The following ACOX1 variants were observed in gnomAD, a reference collection of about 807,000 sequenced individuals.
The protein encoded by ACOX1 is acyl-CoA oxidase 1.
ACOX1 carries 41 observed loss-of-function variants against 75.5 expected under a neutral mutation model. That is an observed-to-expected ratio of 0.54 (90% CI 0.42 to 0.70). The LOEUF (loss-of-function observed/expected upper bound fraction) is 0.70. Among genes scored for constraint, ACOX1 ranks in the 30% least tolerant of loss-of-function variants. The pLI, the probability that ACOX1 is intolerant of heterozygous loss-of-function variation, is 0.00. For missense variants in ACOX1, 630 were observed against 837.5 expected (o/e 0.75, Z 3.06); for synonymous variants, 303 against 298.8 (o/e 1.01, Z -0.15).
chr17:75,967,051 T>C (rs1248784752), intron 2 of ACOX1, among the ~76,000 whole-genome samples: 1 of 150,808 alleles, frequency 6.6e-6, no homozygotes, highest in Non-Finnish European at 1.5e-5. Context: ...AGTGAGACTC[T>C]TGTCTCTCAA....
At chr17:75,966,285 C>T (rs2065931658) in intron 2 of ACOX1, among the ~76,000 whole-genome samples, 2 of 149,752 alleles carry the variant, frequency 1.3e-5, no homozygotes, top group South Asian at 2.1e-4. Context: ...GGTGAAACTC[C>T]GTTTCTACTA....
intron 2 of ACOX1, among the ~76,000 whole-genome samples, chr17:75,966,120 A>G (rs1406948656): frequency 6.6e-6 from 1 of 151,332 alleles, no homozygotes; most frequent in African/African-American, 2.4e-5. Context: ...ACAGAGCAAG[A>G]CTCCATCTCG....
At chr17:75,962,118 T>A (rs1191656906) in intron 2 of ACOX1, among the ~76,000 whole-genome samples, 2 of 152,092 alleles carry the variant, frequency 1.3e-5, no homozygotes, top group Non-Finnish European at 2.9e-5. Context: ...TCATGTCAAA[T>A]ATTCGGCCAC....
rs1337557419 is a variant in ACOX1, at chr17:75,979,113, G to A, written c.-40C>T. ...GGCAGCGAAGTAAGCACCGACCGAG[G>A]TGGCAGTGACAATCTAAATCCGCAG... On this transcript the variant is annotated 5_prime_UTR_variant, in exon 1 of 14. Coordinates refer to ENST00000293217, the MANE Select transcript of ACOX1 (RefSeq NM_004035.7). 1.2e-6 allele frequency: 2 copies of A among 1,606,022 alleles called. No homozygotes were observed. The highest frequency in any genetic ancestry group is 1.7e-6 in the Non-Finnish European group (2 of 1,179,766).
chr17:75,967,889 G>A (rs2065953876), intron 2 of ACOX1, among the ~76,000 whole-genome samples: 1 of 150,044 alleles, frequency 6.7e-6, no homozygotes, highest in Non-Finnish European at 1.5e-5. Context: ...TACAGGTGCC[G>A]CCACCACTCC....
Position 75,967,681 on chromosome 17 carries a change from C to T in ACOX1, c.270-7306G>A, listed in dbSNP as rs932318769. ...ACATACATATATATACATATATATA[C>T]GTATATATATACATACATATATATA... On this transcript the variant is annotated intron_variant, in intron 2 of 13. Transcript: ENST00000293217. Among the ~76,000 whole-genome samples, 29 of 101,030 alleles carry T rather than the reference C, an allele frequency of 2.9e-4. 1 individual carries two copies. Among genetic ancestry groups the T allele is most frequent in the East Asian group, 1.9e-3 (7 of 3,752 alleles). The allele number at this position is 101,030 out of a possible 152,430, so 66.3% of individuals were successfully genotyped here. A position where few individuals can be genotyped will look rare whatever the true frequency, so the allele number is the denominator to read the frequency against.
intron 2 of ACOX1, among the ~76,000 whole-genome samples, chr17:75,965,369 T>C (rs368990787): frequency 7.5e-6 from 1 of 132,544 alleles, no homozygotes; most frequent in African/African-American, 2.8e-5. Flanking sequence ...AGAAAAAAGA[T>C]AAATACCTAA....
chr17:75,951,986 G>A (rs1402158011), intron 7 of ACOX1, among the ~76,000 whole-genome samples: 1 of 151,874 alleles, frequency 6.6e-6, no homozygotes, highest in East Asian at 1.9e-4. Context: ...AGGCTATTTG[G>A]CTCCCTAAGA....
rs2065672608 is a variant in ACOX1, at chr17:75,941,780, C to A, written c.*4968G>T. On this transcript the variant is annotated 3_prime_UTR_variant, in exon 14 of 14. Transcript: ENST00000293217. ...CAACAGCAAAGGGGGAAAAAGGTAGCAAAGTAATTATGTGCTCCCAAGGCA... is the reference window on the plus strand; with the variant it reads ...CAACAGCAAAGGGGGAAAAAGGTAGAAAAGTAATTATGTGCTCCCAAGGCA... 6.6e-6 allele frequency: 1 copy of A among 152,126 alleles called. No individual in the cohort carries two copies. Among genetic ancestry groups the A allele is most frequent in the Non-Finnish European group, 1.5e-5 (1 of 68,058 alleles). The allele number at this position is 152,126 out of a possible 1,614,324, so 9.4% of individuals were successfully genotyped here.
intron 2 of ACOX1, among the ~76,000 whole-genome samples, chr17:75,964,001 T>C (rs996603305): frequency 6.6e-6 from 1 of 151,226 alleles, no homozygotes; most frequent in Non-Finnish European, 1.5e-5. Flanking sequence ...CTGGGCAACA[T>C]GGTGAAACCC....
At chr17:75,977,073 G>A (rs9903364) in intron 2 of ACOX1, among the ~76,000 whole-genome samples, 2,660 of 137,170 alleles carry the variant, frequency 0.019, 89 homozygotes, top group African/African-American at 0.066. Flanking sequence ...TCTCGGCTCA[G>A]TGCAGCCTTT....
At position 75,953,219 on chromosome 17, in the gene ACOX1, G is replaced by A. The variant is rs80107159; in HGVS notation, c.944+232C>T. ...CTTAAAAAGTTAAAAATAATAAGGT[G>A]GGTATTCTCTTTTTTTCTTTTTTGG... On this transcript the variant is annotated intron_variant, in intron 7 of 13. Transcript: ENST00000293217. The A allele has an allele frequency of 1.0e-3, 447 of 442,368 alleles. 5 individuals are homozygous for A. The East Asian group carries it at 0.017, about 17-fold the overall frequency. The allele number at this position is 442,368 out of a possible 1,614,324, so 27.4% of individuals were successfully genotyped here.
In ACOX1 at chr17:75,958,566, TG is replaced by T. The variant is rs531316362; in HGVS notation, c.431-1001del. Among the ~76,000 whole-genome samples, 350 of 151,056 alleles carry T rather than the reference TG, an allele frequency of 2.3e-3. 3 individuals are homozygous for T. The highest frequency in any genetic ancestry group is 4.2e-3 in the Non-Finnish European group (286 of 67,888). ...GCTCACGCCTGTAATCCCAGCACTT[TG>T]GGGGGCCAAGGCGGGCGGATCACAA... On this transcript the variant is annotated intron_variant, in intron 3 of 13. Coordinates refer to ENST00000293217, the MANE Select transcript of ACOX1 (RefSeq NM_004035.7).
chr17:75,967,667 T>TATACGTATATATATACATACATATAG (rs2065947659), intron 2 of ACOX1, among the ~76,000 whole-genome samples: 1 of 98,560 alleles, frequency 1.0e-5, no homozygotes, highest in East Asian at 2.8e-4. Flanking sequence ...CATACATATA[T>TATACGTATATATATACATACATATAG]ATACATATAT....
In ACOX1 at chr17:75,967,209, G is replaced by A. The variant is rs555257830; in HGVS notation, c.270-6834C>T. 1.4e-4 allele frequency among the ~76,000 whole-genome samples: 21 copies of A among 152,142 alleles called. No individual in the cohort carries two copies. The South Asian group carries it at 3.5e-3, about 26-fold the overall frequency. ...GAAGAGGCCGGGCGTGGTGGCTCAC[G>A]CCTGTAATCCTAGCACTTTGGGAGA... On this transcript the variant is annotated intron_variant, in intron 2 of 13. Coordinates refer to ENST00000293217, the MANE Select transcript of ACOX1 (RefSeq NM_004035.7).
intron 2 of ACOX1, among the ~76,000 whole-genome samples, chr17:75,964,425 C>T (rs2065912909): frequency 6.6e-6 from 1 of 152,036 alleles, no homozygotes; most frequent in African/African-American, 2.4e-5. Context: ...CAGAGCAATT[C>T]CTGGTGAAGG....
At position 75,970,184 on chromosome 17, in the gene ACOX1, C is replaced by CAAAAAAAAAAAAAAAAAAAAAAA. The variant is rs55762557; in HGVS notation, c.269+8349_269+8350insTTTTTTTTTTTTTTTTTTTTTTT. Among the ~76,000 whole-genome samples, 66 of 69,018 alleles carry CAAAAAAAAAAAAAAAAAAAAAAA rather than the reference C, an allele frequency of 9.6e-4. 1 individual carries two copies. The highest frequency in any genetic ancestry group is 1.3e-3 in the Non-Finnish European group (47 of 35,564). 45.3% of individuals were successfully genotyped at this position (69,018 alleles called of 152,430 possible). On this transcript the variant is annotated intron_variant, in intron 2 of 13. Coordinates refer to ENST00000293217, the MANE Select transcript of ACOX1 (RefSeq NM_004035.7). The stretch of plus-strand genomic sequence containing the variant: ...CAGCTTGGGCAACATGAGACTCCTT[C>CAAAAAAAAAAAAAAAAAAAAAAA]AAAAAAAAAAAAAAAAAGAGGAAGG...
rs139218689 is a variant in ACOX1 at position 75,956,971 on chromosome 17, CTATATATATATATATATATATATA to C, written c.538+464_538+487del. 4.1e-4 allele frequency among the ~76,000 whole-genome samples: 14 copies of C among 34,316 alleles called. 1 individual carries two copies. In the South Asian group the frequency reaches 6.0e-3, roughly 15 times the overall value. 22.5% of individuals were successfully genotyped at this position (34,316 alleles called of 152,430 possible). A position where few individuals can be genotyped will look rare whatever the true frequency, so the allele number is the denominator to read the frequency against. On this transcript the variant is annotated intron_variant, in intron 4 of 13. Coordinates refer to ENST00000293217, the MANE Select transcript of ACOX1 (RefSeq NM_004035.7). ...TCTCTCTCTCTCTCTCTCTCTCTCT[CTATATATATATATATATATATATA>C]TATATATATATATACACACACACAC...
At position 75,960,417 on chromosome 17, in the gene ACOX1, A is replaced by G. The variant is rs2065876647; in HGVS notation, c.270-42T>C. ...AGGATGGGCATTTGAGAGAAGAGTC[A>G]TCAGGTGTGAGAGAATCAGCAATTT... On this transcript the variant is annotated intron_variant, in intron 2 of 13. Transcript: ENST00000293217. This position sits in a 1 kb window ranked among gnomAD's most constrained non-coding sequence, Gnocchi z 4.4. 1 of 1,601,776 alleles carries G rather than the reference A, an allele frequency of 6.2e-7. No homozygotes were observed. The highest frequency in any genetic ancestry group is 1.3e-5 in the African/African-American group (1 of 74,814).
Sources: allele counts gnomAD v4.1 joint callset (sites outside exome capture counted in the v4.1 genomes callset), GRCh38; gene constraint gnomAD v4.1.1; non-coding constraint Gnocchi (gnomAD v3.1); transcripts MANE v1.5; gene names NCBI Gene and HGNC (gene_info 2026-07-23, HGNC 2026-07-21).